Variants in KBTBD8 observed in about 807,000 individuals in gnomAD.
KBTBD8 encodes the protein kelch repeat and BTB domain-containing protein 8.
A neutral mutation model predicts 53.5 loss-of-function variants in KBTBD8; 31 were observed. The observed-to-expected ratio is 0.58, with a 90% CI of 0.44 to 0.78. The LOEUF (loss-of-function observed/expected upper bound fraction) is 0.78, where lower values mean the gene tolerates loss of function less well. Ranked by LOEUF, KBTBD8 falls within the 30% of genes least tolerant of loss-of-function variation. KBTBD8 has a pLI of 0.00. For missense variants in KBTBD8, 642 were observed against 735.8 expected (o/e 0.87, Z 1.48); for synonymous variants, 250 against 247.3 (o/e 1.01, Z -0.10).
Position 67,008,023 on chromosome 3 carries a change from TC to T in KBTBD8, c.1445del (p.Ser482LeufsTer5), listed in dbSNP as rs1702083929. The T allele has an allele frequency of 1.2e-6, 2 of 1,613,656 alleles. No homozygotes were observed. The highest frequency in any genetic ancestry group is 1.7e-6 in the Non-Finnish European group (2 of 1,179,784). On this transcript the variant is annotated frameshift_variant, in exon 4 of 4. Coordinates refer to ENST00000417314, the MANE Select transcript of KBTBD8 (RefSeq NM_032505.3). LOFTEE classifies it high-confidence loss of function. ...IQGLAAVYKD[S>X]IYYIAGTCGN... ...GGGCTTAGCAGCTGTATACAAGGAC[TC>T]TATCTACTACATAGCTGGAACCTGT...
intron 2 of KBTBD8, among the ~76,000 whole-genome samples, chr3:67,001,714 T>A (rs898309160): frequency 1.3e-5 from 2 of 152,318 alleles, no homozygotes; most frequent in Admixed American, 6.5e-5. Context: ...GCCAGTGTGA[T>A]ACTAAATTAA....
rs548797940 is a variant in KBTBD8 at position 67,007,251 on chromosome 3, T to C, written c.1343-671T>C. The stretch of plus-strand genomic sequence containing the variant: ...CTGAACGTTACTAATAATGCTTTTT[T>C]AGAGCTAGAGTAAAATGAATTTTCT... On this transcript the variant is annotated intron_variant, in intron 3 of 3. Transcript: ENST00000417314. Among the ~76,000 whole-genome samples, 9 of 152,288 alleles carry C rather than the reference T, an allele frequency of 5.9e-5. No individual in the cohort carries two copies. In the South Asian group the frequency reaches 1.4e-3, roughly 25 times the overall value.
rs1702035261 is a variant in KBTBD8, at chr3:67,003,463, G to A, written c.496G>A (p.Glu166Lys). The change falls in exon 3 of 4, where the codon GAA becomes AAA. Residue 166 changes from glutamate (E) to lysine (K), a missense_variant. Physicochemically the swap from Glu to Lys is moderately conservative, Grantham distance 56 (BLOSUM62 1). Coordinates refer to ENST00000417314, the MANE Select transcript of KBTBD8 (RefSeq NM_032505.3). ...CTTTGCTGATCATTATGGTCATCAG[G>A]AACTCGGAGATCGATCAAAAGAATA... ...FIFADHYGHQ[E>K]LGDRSKEYIR... 1.9e-6 allele frequency: 3 copies of A among 1,614,070 alleles called. No homozygotes were observed. In the East Asian group the frequency reaches 6.7e-5, roughly 36 times the overall value.
rs1172888568 is a variant in KBTBD8 at position 67,002,579 on chromosome 3, T to G, written c.228-616T>G. On this transcript the variant is annotated intron_variant, in intron 2 of 3. Coordinates refer to ENST00000417314, the MANE Select transcript of KBTBD8 (RefSeq NM_032505.3). ...TCTTCCAGGCTGGCACTCAGCTCAC[T>G]GCAACCTCCGCCTTCCGGGTTCAAG... is the stretch of plus-strand genomic sequence containing the variant. 7.4e-5 allele frequency among the ~76,000 whole-genome samples: 10 copies of G among 135,774 alleles called. No homozygotes were observed. In the East Asian group the frequency reaches 2.5e-3, roughly 34 times the overall value. The allele number at this position is 135,774 out of a possible 152,430, so 89.1% of individuals were successfully genotyped here. A position where few individuals can be genotyped will look rare whatever the true frequency, so the allele number is the denominator to read the frequency against.
At position 67,008,278 on chromosome 3, in the gene KBTBD8, C is replaced by T; in HGVS notation, c.1699C>T (p.Gln567Ter). 1 of 1,613,830 alleles carries T rather than the reference C, an allele frequency of 6.2e-7. No individual in the cohort carries two copies. Reference protein sequence around the residue: ...SLYQYDDIADQWMKVYETPDR... With the variant: ...SLYQYDDIAD ...TTACCAATATGATGACATTGCTGAC[C>T]AGTGGATGAAAGTGTATGAGACCCC... The change falls in exon 4 of 4, where the codon CAG becomes TAG. Residue 567 changes from glutamine (Q) to a stop codon, truncating the protein, a stop_gained. Transcript: ENST00000417314. LOFTEE classifies it high-confidence loss of function.
At chr3:67,002,659 C>T (rs1306927167) in intron 2 of KBTBD8, among the ~76,000 whole-genome samples, 3 of 151,746 alleles carry the variant, frequency 2.0e-5, no homozygotes, top group Non-Finnish European at 2.9e-5. Flanking sequence ...TGTGCCACCA[C>T]GCCCAGCTAA....
chr3:66,998,937 C>A, intron 1 of KBTBD8, 44 bp from the exon 2 acceptor site: 1 of 1,459,776 alleles, frequency 6.9e-7, no homozygotes, highest in Non-Finnish European at 9.4e-7. Context: ...GATGCCGTAA[C>A]TGGCTCGGCA....
At position 66,999,057 on chromosome 3, in the gene KBTBD8, T is replaced by C. The variant is rs1701991551; in HGVS notation, c.93T>C (p.His31=). 1.2e-6 allele frequency: 2 copies of C among 1,614,212 alleles called. No individual in the cohort carries two copies. Among genetic ancestry groups the C allele is most frequent in the Non-Finnish European group, 1.7e-6 (2 of 1,180,028 alleles). The change falls in exon 2 of 4, where the codon CAT becomes CAC. Residue 31 remains histidine (H), a synonymous_variant. Transcript: ENST00000417314. ...CCAGCGATGCCATGGACCCCTTCCA[T>C]GCTTGCAGTATTCTTAAGCAACTCA... is the stretch of plus-strand genomic sequence containing the variant. ...DPASDAMDPF[H]ACSILKQLKT...
In KBTBD8 at chr3:67,008,917, A is replaced by G. The variant is rs2106763874; in HGVS notation, c.*532A>G. The G allele has an allele frequency of 6.5e-6, 1 of 152,938 alleles. No homozygotes were observed. Among genetic ancestry groups the G allele is most frequent in the East Asian group, 1.9e-4 (1 of 5,186 alleles). 9.5% of individuals were successfully genotyped at this position (152,938 alleles called of 1,614,324 possible). A position where few individuals can be genotyped will look rare whatever the true frequency, so the allele number is the denominator to read the frequency against. On this transcript the variant is annotated 3_prime_UTR_variant, in exon 4 of 4. Coordinates refer to ENST00000417314, the MANE Select transcript of KBTBD8 (RefSeq NM_032505.3). ...TACTGAGATTTAAATGTGTTCTATT[A>G]TTAGAGTAGATCGAAGAAAAAATTA... is the stretch of plus-strand genomic sequence containing the variant.
intron 3 of KBTBD8, 27 bp downstream of exon 3, chr3:67,004,336 C>T: frequency 6.3e-7 from 1 of 1,594,650 alleles, no homozygotes; most frequent in Non-Finnish European, 8.6e-7. Context: ...TTTAGTTTTT[C>T]ATGGAAGGGT....
At chr3:67,007,702 T>C (rs1702080398) in intron 3 of KBTBD8, among the ~76,000 whole-genome samples, 1 of 152,166 alleles carries the variant, frequency 6.6e-6, no homozygotes, top group South Asian at 2.1e-4. Flanking sequence ...TTCAGGTTGA[T>C]TATAATATTA....
chr3:66,999,233 C>A, intron 2 of KBTBD8, 42 bp downstream of exon 2: 1 of 1,442,860 alleles, frequency 6.9e-7, no homozygotes, highest in Non-Finnish European at 9.8e-7. Flanking sequence ...CTGCACCAAG[C>A]TCCCTTTCCC....
chr3:67,002,196 A>T (rs1008090279), intron 2 of KBTBD8, among the ~76,000 whole-genome samples: 4 of 152,344 alleles, frequency 2.6e-5, no homozygotes, highest in African/African-American at 9.6e-5. Context: ...GTCTAGATTT[A>T]GGTAGGTAAA....
In KBTBD8 at chr3:67,003,576, C is replaced by A. The variant is rs76838758; in HGVS notation, c.609C>A (p.Asp203Glu). Residue 203 changes from aspartate (D) to glutamate (E), a missense_variant, in exon 3 of 4, where the codon GAC (aspartate) becomes GAA (glutamate). By Grantham distance (45) the Asp-to-Glu change is conservative (BLOSUM62 2). Transcript: ENST00000417314. The part of the protein sequence containing the change: ...KDQLISILDS[D>E]DLNVDREEHV... ...AACTGATAAGTATACTAGACAGTGA[C>A]GATTTAAATGTAGACCGAGAAGAGC... is the stretch of plus-strand genomic sequence containing the variant. The A allele has an allele frequency of 3.7e-6, 6 of 1,613,670 alleles. No individual in the cohort carries two copies. Among genetic ancestry groups the A allele is most frequent in the Non-Finnish European group, 5.1e-6 (6 of 1,179,794 alleles).
chr3:66,998,960 G>C (rs1459345950), intron 1 of KBTBD8, 21 bp from the exon 2 acceptor site: 1 of 1,555,450 alleles, frequency 6.4e-7, no homozygotes, highest in Non-Finnish European at 8.7e-7. Flanking sequence ...TCTTGTAGTT[G>C]TACGATTTTT....
In KBTBD8 at chr3:67,008,538, C is replaced by T; in HGVS notation, c.*153C>T. The T allele has an allele frequency of 1.9e-6, 1 of 537,330 alleles. No homozygotes were observed. The highest frequency in any genetic ancestry group is 3.2e-6 in the Non-Finnish European group (1 of 308,398). 33.3% of individuals were successfully genotyped at this position (537,330 alleles called of 1,614,324 possible). ...AGATTGCAGGGTAGGGAGGGATTTT[C>T]CTTCATCCTTGTGACATTTCATTTC... is the stretch of plus-strand genomic sequence containing the variant. On this transcript the variant is annotated 3_prime_UTR_variant, in exon 4 of 4. Coordinates refer to ENST00000417314, the MANE Select transcript of KBTBD8 (RefSeq NM_032505.3).
Position 67,008,049 on chromosome 3 carries a change from T to C in KBTBD8, c.1470T>C (p.Cys490=). The C allele has an allele frequency of 6.2e-7, 1 of 1,614,028 alleles. No homozygotes were observed. The highest frequency in any genetic ancestry group is 8.5e-7 in the Non-Finnish European group (1 of 1,179,952). The change falls in exon 4 of 4, where the codon TGT becomes TGC. Residue 490 remains cysteine (C), a synonymous_variant. Transcript: ENST00000417314. ...CTATCTACTACATAGCTGGAACCTG[T>C]GGAAATCATCAACGTATGTTTACTG... ...KDSIYYIAGT[C]GNHQRMFTVE...
In KBTBD8 at chr3:67,003,609, T is replaced by C; in HGVS notation, c.642T>C (p.Tyr214=). The C allele has an allele frequency of 6.2e-7, 1 of 1,614,064 alleles. No homozygotes were observed. The highest frequency in any genetic ancestry group is 8.5e-7 in the Non-Finnish European group (1 of 1,179,934). ...DLNVDREEHV[Y]ESIIRWFEHE... ...ATGTAGACCGAGAAGAGCATGTTTA[T>C]GAAAGCATTATAAGGTGGTTTGAGC... The change falls in exon 3 of 4, where the codon TAT becomes TAC. Residue 214 remains tyrosine, a synonymous_variant. Transcript: ENST00000417314.
Position 67,008,435 on chromosome 3 carries a change from T to TA in KBTBD8, c.*50_*51insA, listed in dbSNP as rs760996744. 4 of 1,292,646 alleles carry TA rather than the reference T, an allele frequency of 3.1e-6. No homozygotes were observed. In the South Asian group the frequency reaches 5.4e-5, roughly 17 times the overall value. 80.1% of individuals were successfully genotyped at this position (1,292,646 alleles called of 1,614,324 possible). A position where few individuals can be genotyped will look rare whatever the true frequency, so the allele number is the denominator to read the frequency against. On this transcript the variant is annotated 3_prime_UTR_variant, in exon 4 of 4. Transcript: ENST00000417314. ...ACTGGCATCTCATTCTTAGGAAACTTGTCTTTGATACAAAAGAGTGCTGAC... is the reference window on the plus strand; with the variant it reads ...ACTGGCATCTCATTCTTAGGAAACTTAGTCTTTGATACAAAAGAGTGCTGAC...
Sources: gnomAD v4.1 joint callset for allele counts (sites outside exome capture counted in the v4.1 genomes callset) on GRCh38, gnomAD v4.1.1 for gene constraint, MANE v1.5 for transcripts, NCBI Gene and HGNC (gene_info 2026-07-23, HGNC 2026-07-21) for gene names.